C1QTNF9: variants seen among roughly 807,000 people sequenced by gnomAD.
The protein encoded by C1QTNF9 is C1q and TNF related 9.
C1QTNF9 carries 6 observed loss-of-function variants against 10.1 expected under a neutral mutation model. The observed-to-expected ratio is 0.59, with a 90% CI of 0.32 to 1.17. The LOEUF is 1.17. C1QTNF9 is among the 50% of genes most tolerant of loss of function. C1QTNF9 has a pLI of 0.04. For synonymous variants in C1QTNF9, 98 were observed against 163.5 expected, an observed-to-expected ratio of 0.60 and a Z score of 3.06; for missense variants, 201 against 418.8, an observed-to-expected ratio of 0.48 and a Z score of 4.54.
upstream of C1QTNF9, among the ~76,000 whole-genome samples, chr13:24,308,520 C>G (rs1223688991): frequency 6.6e-6 from 1 of 152,232 alleles, no homozygotes; most frequent in Non-Finnish European, 1.5e-5. Context: ...CACCTGGGAC[C>G]ACGGCATTGT....
Position 24,320,751 on chromosome 13 carries a change from A to G in C1QTNF9, c.230-245A>G, listed in dbSNP as rs149866380. Reference sequence around the variant, plus strand: ...TTTTTTTTAGAGTCAGGGTATTGCTATGTTGGCCAGGTTGGTCTTGAACTC... The same window carrying G: ...TTTTTTTTAGAGTCAGGGTATTGCTGTGTTGGCCAGGTTGGTCTTGAACTC... On this transcript the variant is annotated intron_variant, in intron 3 of 3. Transcript: ENST00000332018. 7.9e-4 allele frequency among the ~76,000 whole-genome samples: 118 copies of G among 149,628 alleles called. 1 individual carries two copies. The highest frequency in any genetic ancestry group is 2.8e-3 in the African/African-American group (114 of 40,604).
chr13:24,316,748 G>A, intron 2 of C1QTNF9, among the ~76,000 whole-genome samples: 1 of 152,158 alleles, frequency 6.6e-6, no homozygotes, highest in East Asian at 1.9e-4. Context: ...GGGGATCTGG[G>A]GGACAGGATT....
intron 1 of C1QTNF9, among the ~76,000 whole-genome samples, chr13:24,313,951 A>T (rs1426509448): frequency 2.6e-5 from 4 of 152,222 alleles, no homozygotes; most frequent in African/African-American, 7.2e-5. Context: ...TAATTATTGC[A>T]GCAGTTACAT....
At chr13:24,315,146 T>C (rs1333744927) in intron 1 of C1QTNF9, among the ~76,000 whole-genome samples, 2 of 152,178 alleles carry the variant, frequency 1.3e-5, no homozygotes, top group African/African-American at 2.4e-5. Context: ...CCACCACCCA[T>C]CTCCAGAACT....
chr13:24,307,470 T>G (rs1470369314), upstream of C1QTNF9, among the ~76,000 whole-genome samples: 1 of 152,216 alleles, frequency 6.6e-6, no homozygotes, highest in Non-Finnish European at 1.5e-5. Context: ...GTGGGTAGAT[T>G]AGAATTTCCT....
chr13:24,308,248 G>C (rs1469387309), upstream of C1QTNF9, among the ~76,000 whole-genome samples: 1 of 152,248 alleles, frequency 6.6e-6, no homozygotes, highest in Admixed American at 6.5e-5. Flanking sequence ...GGGAAGCGGG[G>C]AAGGGCCGGG....
chr13:24,310,595 T>C (rs1159560772), intron 1 of C1QTNF9, among the ~76,000 whole-genome samples: 1 of 116,174 alleles, frequency 8.6e-6, no homozygotes, highest in Admixed American at 8.3e-5. Context: ...TAATTTACAG[T>C]GCAGGAAAAA....
At chr13:24,315,907 T>G (rs1878002775) in intron 1 of C1QTNF9, 75 bp from the exon 2 acceptor site, 2 of 1,527,178 alleles carry the variant, frequency 1.3e-6, no homozygotes, top group Admixed American at 3.6e-5. Flanking sequence ...CATTTCCCAC[T>G]GCACGGAACA....
chr13:24,312,366 T>TAA (rs10650509), intron 1 of C1QTNF9, among the ~76,000 whole-genome samples: 84,100 of 151,564 alleles, frequency 0.55, 23,564 homozygotes, highest in African/African-American at 0.62. Flanking sequence ...GTAATTCAGA[T>TAA]GAGAGAGAGA....
chr13:24,307,892 G>C (rs1486143958), upstream of C1QTNF9, among the ~76,000 whole-genome samples: 1 of 152,252 alleles, frequency 6.6e-6, no homozygotes, highest in African/African-American at 2.4e-5. Context: ...AGGCGCTGCA[G>C]TCGGGAAACA....
chr13:24,313,991 T>C (rs766501329), intron 1 of C1QTNF9, among the ~76,000 whole-genome samples: 4 of 152,206 alleles, frequency 2.6e-5, no homozygotes, highest in Non-Finnish European at 4.4e-5. Flanking sequence ...CTTTCCCCTA[T>C]TGTTACATAG....
At chr13:24,317,764 G>A (rs572330711) in intron 2 of C1QTNF9, among the ~76,000 whole-genome samples, 3 of 151,308 alleles carry the variant, frequency 2.0e-5, no homozygotes, top group South Asian at 2.1e-4. Context: ...AGAGGCCACC[G>A]CTCTAGAGAA....
intron 3 of C1QTNF9, among the ~76,000 whole-genome samples, chr13:24,320,679 T>C (rs1024460373): frequency 6.6e-6 from 1 of 152,110 alleles, no homozygotes; most frequent in Non-Finnish European, 1.5e-5. Flanking sequence ...GCCACTGAGC[T>C]GGGCTGGAGT....
At chr13:24,315,511 C>T (rs1877988680) in intron 1 of C1QTNF9, among the ~76,000 whole-genome samples, 1 of 152,190 alleles carries the variant, frequency 6.6e-6, no homozygotes, top group African/African-American at 2.4e-5. Context: ...ACATCTGTTC[C>T]AGTCCTTGCT....
chr13:24,319,733 A>G (rs1421193808), intron 3 of C1QTNF9, among the ~76,000 whole-genome samples: 1 of 152,194 alleles, frequency 6.6e-6, no homozygotes, highest in African/African-American at 2.4e-5. Context: ...GCAGCACTGC[A>G]TGGAGGAGGT....
chr13:24,313,573 G>A (rs1222806651), intron 1 of C1QTNF9, among the ~76,000 whole-genome samples: 1 of 152,196 alleles, frequency 6.6e-6, no homozygotes, highest in Non-Finnish European at 1.5e-5. Flanking sequence ...CTGGAATGGA[G>A]CGAATTTGTG....
Position 24,315,896 on chromosome 13 carries a change from C to T in C1QTNF9, c.-22-86C>T, listed in dbSNP as rs1451271772. On this transcript the variant is annotated intron_variant, in intron 1 of 3. Transcript: ENST00000332018. ...GGGTCTGGGGCAGGGGACAGCTCAT[C>T]CATTTCCCACTGCACGGAACAGAGG... 8 of 1,442,386 alleles carry T rather than the reference C, an allele frequency of 5.5e-6. No homozygotes were observed. In the Admixed American group the frequency reaches 1.2e-4, roughly 21 times the overall value. The allele number at this position is 1,442,386 out of a possible 1,614,324, so 89.3% of individuals were successfully genotyped here.
intron 1 of C1QTNF9, among the ~76,000 whole-genome samples, chr13:24,309,842 T>C (rs1187432358): frequency 6.6e-6 from 1 of 152,200 alleles, no homozygotes; most frequent in Non-Finnish European, 1.5e-5. Flanking sequence ...GCTGGAACTC[T>C]GCAATTGGCT....
chr13:24,315,898 A>G (rs1004825625), intron 1 of C1QTNF9, 84 bp from the exon 2 acceptor site: 33 of 1,472,654 alleles, frequency 2.2e-5, no homozygotes, highest in African/African-American at 9.8e-5. Flanking sequence ...CAGCTCATCC[A>G]TTTCCCACTG....
Sources: gnomAD v4.1 joint callset for allele counts (sites outside exome capture counted in the v4.1 genomes callset) on GRCh38, gnomAD v4.1.1 for gene constraint, MANE v1.5 for transcripts, NCBI Gene and HGNC (gene_info 2026-07-23, HGNC 2026-07-21) for gene names.